TENM3: variants seen among roughly 807,000 people sequenced by gnomAD.
TENM3 encodes the protein teneurin-3.
TENM3 carries 63 observed loss-of-function variants against 255.1 expected under a neutral mutation model. That is an observed-to-expected ratio of 0.25 (90% CI 0.20 to 0.30). TENM3 has a LOEUF of 0.30. Among genes scored for constraint, TENM3 ranks in the 10% least tolerant of loss-of-function variants. TENM3 has a pLI of 1.00. For synonymous variants in TENM3, 1,306 were observed against 1,322.3 expected, an observed-to-expected ratio of 0.99 and a Z score of 0.27; for missense variants, 2,929 against 3,461.1, an observed-to-expected ratio of 0.85 and a Z score of 3.86.
At chr4:181,684,451 A>T in the TENM3 span, among the ~76,000 whole-genome samples, 1,396 of 152,248 alleles carry the variant, frequency 9.2e-3, 18 homozygotes, top group African/African-American at 0.032. Context: ...CACTTAAATC[A>T]TCTCTTGAGA....
At position 182,331,453 on chromosome 4, in the gene TENM3, C is replaced by A. The variant is rs187033244; in HGVS notation, c.232+7201C>A. On this transcript the variant is annotated intron_variant, in intron 2 of 27. Transcript: ENST00000511685. ...CCCAGCTACTCAGGAGGCTAAGGCA[C>A]AAGAAGCGCTTGAACCCTTGAGATG... 1.6e-3 allele frequency among the ~76,000 whole-genome samples: 251 copies of A among 152,142 alleles called. 1 individual carries two copies. Among genetic ancestry groups the A allele is most frequent in the African/African-American group, 5.7e-3 (238 of 41,512 alleles).
chr4:181,546,729 AGAAGAAG>A, the TENM3 span, among the ~76,000 whole-genome samples: 4 of 138,932 alleles, frequency 2.9e-5, no homozygotes, highest in Admixed American at 3.0e-4. Flanking sequence ...AAAAAAAAAA[AGAAGAAG>A]AAGAAGAAAT....
At chr4:181,847,847 G>A in the TENM3 span, among the ~76,000 whole-genome samples, 1 of 151,954 alleles carries the variant, frequency 6.6e-6, no homozygotes, top group Non-Finnish European at 1.5e-5. Flanking sequence ...TTGAAAGAAA[G>A]TCTATATTAG....
At chr4:181,937,788 CT>C in the TENM3 span, among the ~76,000 whole-genome samples, 1 of 152,228 alleles carries the variant, frequency 6.6e-6, no homozygotes, top group Non-Finnish European at 1.5e-5. Context: ...GACTTTCAGT[CT>C]TGAACCTGGC....
the TENM3 span, among the ~76,000 whole-genome samples, chr4:181,873,336 T>C: frequency 6.6e-6 from 1 of 152,226 alleles, no homozygotes; most frequent in Non-Finnish European, 1.5e-5. Context: ...CCCAGAGTGC[T>C]GGGGTAACAG....
At chr4:182,492,709 C>T (rs1437359404) in intron 3 of TENM3, among the ~76,000 whole-genome samples, 1 of 152,082 alleles carries the variant, frequency 6.6e-6, no homozygotes, top group African/African-American at 2.4e-5. Flanking sequence ...GGAAGTTTTG[C>T]TCGATGACTG....
intron 27 of TENM3, among the ~76,000 whole-genome samples, chr4:182,798,884 A>G (rs1766688314): frequency 6.7e-6 from 1 of 149,832 alleles, no homozygotes; most frequent in Non-Finnish European, 1.5e-5. Context: ...AACAATGGCC[A>G]GACAAACATC....
At chr4:181,948,253 A>T in the TENM3 span, among the ~76,000 whole-genome samples, 1 of 152,212 alleles carries the variant, frequency 6.6e-6, no homozygotes, top group African/African-American at 2.4e-5. Flanking sequence ...GGGGGAAAAA[A>T]TAGAGACTAT....
chr4:181,462,919 A>C, the TENM3 span, among the ~76,000 whole-genome samples: 4 of 152,222 alleles, frequency 2.6e-5, no homozygotes, highest in Non-Finnish European at 2.9e-5. Context: ...CTGTGACCTC[A>C]GTACTAGTGC....
At chr4:181,985,147 C>G in the TENM3 span, among the ~76,000 whole-genome samples, 1 of 151,820 alleles carries the variant, frequency 6.6e-6, no homozygotes, top group South Asian at 2.1e-4. Flanking sequence ...TATTTTGCTG[C>G]TTCGAAAAAT....
At chr4:181,683,070 A>G in the TENM3 span, among the ~76,000 whole-genome samples, 1 of 151,462 alleles carries the variant, frequency 6.6e-6, no homozygotes, top group Admixed American at 6.6e-5. Flanking sequence ...AAAAAATTAA[A>G]TAAAAATAGA....
chr4:181,917,974 T>C, the TENM3 span, among the ~76,000 whole-genome samples: 1 of 152,154 alleles, frequency 6.6e-6, no homozygotes, highest in African/African-American at 2.4e-5. Flanking sequence ...TTCCTCAGGT[T>C]TCTAACCAAC....
intron 12 of TENM3, among the ~76,000 whole-genome samples, chr4:182,697,367 G>A (rs1334948149): frequency 6.6e-6 from 1 of 152,182 alleles, no homozygotes; most frequent in African/African-American, 2.4e-5. Context: ...GAGGCAGCAG[G>A]CGTGGAGTTG....
At chr4:181,667,135 C>T in the TENM3 span, among the ~76,000 whole-genome samples, 1 of 152,036 alleles carries the variant, frequency 6.6e-6, no homozygotes, top group East Asian at 1.9e-4. Context: ...TTCCTAGATC[C>T]CATATTCTTC....
the TENM3 span, among the ~76,000 whole-genome samples, chr4:181,858,649 G>A: frequency 4.6e-5 from 7 of 152,284 alleles, no homozygotes; most frequent in East Asian, 7.7e-4. Context: ...CCAGACCAGC[G>A]CTGAAGGATA....
chr4:182,259,663 A>C (rs1354518025), intron 1 of TENM3, among the ~76,000 whole-genome samples: 2 of 152,108 alleles, frequency 1.3e-5, no homozygotes, highest in Non-Finnish European at 2.9e-5. Flanking sequence ...TATTCTGGGG[A>C]TACATCTGAT....
At chr4:181,605,494 GAAA>G in the TENM3 span, among the ~76,000 whole-genome samples, 4 of 8,150 alleles carry the variant, frequency 4.9e-4, no homozygotes, top group Non-Finnish European at 7.8e-4. Context: ...AAGAAAGAAA[GAAA>G]GAAAGAAAGA....
intron 1 of TENM3, among the ~76,000 whole-genome samples, chr4:182,261,087 G>GGTTCACCATC (rs568730759): frequency 0.022 from 3,329 of 152,156 alleles, 68 homozygotes; most frequent in South Asian, 0.031. Context: ...TGTTGGCCAG[G>GGTTCACCATC]ATGGTCTCAA....
intron 4 of TENM3, among the ~76,000 whole-genome samples, chr4:182,621,308 T>A (rs1750112525): frequency 6.6e-6 from 1 of 152,048 alleles, no homozygotes; most frequent in African/African-American, 2.4e-5. Flanking sequence ...TGGCTTCTCT[T>A]CCCATGTTTT....
Sources: gnomAD v4.1 joint callset for allele counts (sites outside exome capture counted in the v4.1 genomes callset) on GRCh38, gnomAD v4.1.1 for gene constraint, MANE v1.5 for transcripts, NCBI Gene and HGNC (gene_info 2026-07-23, HGNC 2026-07-21) for gene names.